The following LPA variants were observed in gnomAD, a reference collection of about 807,000 sequenced individuals.
The protein encoded by LPA is lipoprotein(a).
A neutral mutation model predicts 197.9 loss-of-function variants in LPA; 199 were observed. That is an observed-to-expected ratio of 1.01 (90% CI 0.90 to 1.13). LPA has a LOEUF of 1.13. Ranked by LOEUF, LPA falls within the 50% of genes most tolerant of loss-of-function variation. LPA has a pLI of 0.00. For synonymous variants in LPA, 715 were observed against 639.5 expected (o/e 1.12, Z -1.78); for missense variants, 1,853 against 1,785.8 (o/e 1.04, Z -0.68).
At chr6:160,572,781 A>G (rs1778586123) in intron 28 of LPA, among the ~76,000 whole-genome samples, 2 of 152,148 alleles carry the variant, frequency 1.3e-5, no homozygotes, top group South Asian at 4.1e-4. Flanking sequence ...CTGGCTGTTA[A>G]TCTGATAGGG....
intron 28 of LPA, among the ~76,000 whole-genome samples, chr6:160,558,136 G>A (rs1231840319): frequency 1.3e-5 from 2 of 152,040 alleles, no homozygotes; most frequent in African/African-American, 2.4e-5. Flanking sequence ...AGCCAGGATG[G>A]TCTCAATCTC....
chr6:160,589,330 C>T (rs563998747), intron 24 of LPA, among the ~76,000 whole-genome samples: 9 of 152,340 alleles, frequency 5.9e-5, no homozygotes, highest in Admixed American at 5.2e-4. Context: ...GACCTCACCA[C>T]CTCCAAGTAT....
intron 1 of LPA, among the ~76,000 whole-genome samples, chr6:160,654,029 TA>T (rs1562354850): frequency 0.026 from 268 of 10,352 alleles, 5 homozygotes; most frequent in Middle Eastern, 0.15. Context: ...TAATATATAA[TA>T]TATATTATAT....
chr6:160,597,403 C>T (rs1779154008), intron 20 of LPA, among the ~76,000 whole-genome samples: 1 of 152,148 alleles, frequency 6.6e-6, no homozygotes, highest in Non-Finnish European at 1.5e-5. Context: ...CCTCAATGAA[C>T]AATTTTTACT....
intron 30 of LPA, among the ~76,000 whole-genome samples, chr6:160,549,955 G>A (rs1198900877): frequency 2.0e-5 from 3 of 152,226 alleles, no homozygotes; most frequent in Non-Finnish European, 4.4e-5. Flanking sequence ...GGGTGCTTTG[G>A]CTCACGCCTG....
chr6:160,606,743 G>T (rs185843312), intron 16 of LPA, 85 bp from the exon 17 acceptor site: 3 of 1,548,356 alleles, frequency 1.9e-6, no homozygotes, highest in Non-Finnish European at 1.8e-6. Flanking sequence ...GCTGCAACAA[G>T]GTCATTACCA....
Position 160,540,853 on chromosome 6 carries a change from A to G in LPA, c.5594+254T>C, listed in dbSNP as rs116275770. The stretch of plus-strand genomic sequence containing the variant: ...TCTGTCCTGCGGTTTATACAGGTCC[A>G]AAAAATCACTTGCACTGGGTCTTCC... On this transcript the variant is annotated intron_variant, in intron 35 of 38. Coordinates refer to ENST00000316300, the MANE Select transcript of LPA (RefSeq NM_005577.4). Among the ~76,000 whole-genome samples, 1,360 of 152,288 alleles carry G rather than the reference A, an allele frequency of 8.9e-3. 20 individuals are homozygous for G. Among genetic ancestry groups the G allele is most frequent in the African/African-American group, 0.03 (1,260 of 41,554 alleles).
At chr6:160,552,076 C>T (rs564530913) in intron 30 of LPA, among the ~76,000 whole-genome samples, 1 of 152,172 alleles carries the variant, frequency 6.6e-6, no homozygotes, top group Admixed American at 6.5e-5. Context: ...TCACATCGAT[C>T]TAATTGTTTA....
At chr6:160,607,749 C>A (rs771212959) in intron 16 of LPA, among the ~76,000 whole-genome samples, 2 of 152,114 alleles carry the variant, frequency 1.3e-5, no homozygotes, top group Non-Finnish European at 2.9e-5. Flanking sequence ...ACCCTCCATT[C>A]CAGGAAGCTG....
chr6:160,545,377 C>CTTT (rs58131350), intron 33 of LPA, 63 bp downstream of exon 33: 5 of 1,193,506 alleles, frequency 4.2e-6, no homozygotes, highest in Non-Finnish European at 4.9e-6. Context: ...GTTTTTTTTG[C>CTTT]TTTTTTTTTT....
chr6:160,539,943 G>C, intron 36 of LPA, 100 bp downstream of exon 36: 6 of 1,537,778 alleles, frequency 3.9e-6, no homozygotes, highest in Non-Finnish European at 4.5e-6. Context: ...GTGATAGACA[G>C]TTCCTCCCCA....
intron 22 of LPA, among the ~76,000 whole-genome samples, 169 bp from the exon 23 acceptor site, chr6:160,591,270 C>T (rs933565063): frequency 6.6e-6 from 1 of 152,190 alleles, no homozygotes; most frequent in Non-Finnish European, 1.5e-5. Context: ...CAACTGTGAA[C>T]ATTTCAAAGA....
At chr6:160,599,779 A>G in intron 19 of LPA, 120 bp from the exon 20 acceptor site, 1 of 1,070,436 alleles carries the variant, frequency 9.3e-7, no homozygotes, top group South Asian at 1.3e-5. Flanking sequence ...TCTATTCTTT[A>G]TTAATAGGCA....
intron 30 of LPA, among the ~76,000 whole-genome samples, chr6:160,553,954 T>TGTGTGTGTGTGTGCGCGCGCGCGC (rs771903485): frequency 7.6e-6 from 1 of 130,748 alleles, no homozygotes; most frequent in Non-Finnish European, 1.6e-5. Flanking sequence ...TGTGTGTGTG[T>TGTGTGTGTGTGTGCGCGCGCGCGC]GCGCGCGCGC....
intron 1 of LPA, among the ~76,000 whole-genome samples, chr6:160,655,585 G>T (rs1165140227): frequency 6.6e-6 from 1 of 152,166 alleles, no homozygotes; most frequent in African/African-American, 2.4e-5. Flanking sequence ...CTCTTTCTTG[G>T]TTGTAAGAGG....
At chr6:160,553,630 CTT>C (rs1778201508) in intron 30 of LPA, among the ~76,000 whole-genome samples, 1 of 152,028 alleles carries the variant, frequency 6.6e-6, no homozygotes, top group South Asian at 2.1e-4. Flanking sequence ...TAAGATTATC[CTT>C]GTTATCTTTG....
intron 2 of LPA, among the ~76,000 whole-genome samples, chr6:160,648,029 G>A (rs1214580258): frequency 3.9e-5 from 6 of 152,088 alleles, no homozygotes; most frequent in Non-Finnish European, 7.3e-5. Flanking sequence ...TACAGTTTCC[G>A]GTTTCTTTGT....
At chr6:160,586,192 G>T (rs41272106) in intron 25 of LPA, among the ~76,000 whole-genome samples, 3 of 152,074 alleles carry the variant, frequency 2.0e-5, no homozygotes, top group African/African-American at 7.2e-5. Context: ...AATATGATTC[G>T]TTTGATAACA....
intron 28 of LPA, among the ~76,000 whole-genome samples, chr6:160,576,684 G>GTA (rs1277269915): frequency 4.3e-5 from 4 of 92,640 alleles, no homozygotes; most frequent in African/African-American, 1.8e-4. Context: ...GTGTGTGTGT[G>GTA]TGTGTGTATA....
Sources: gnomAD v4.1 joint callset for allele counts (sites outside exome capture counted in the v4.1 genomes callset) on GRCh38, gnomAD v4.1.1 for gene constraint, MANE v1.5 for transcripts, NCBI Gene and HGNC (gene_info 2026-07-23, HGNC 2026-07-21) for gene names.